Variants in ADARB2 observed in about 807,000 individuals in gnomAD.
ADARB2 encodes adenosine deaminase RNA specific B2 (inactive).
In ADARB2, 25 loss-of-function variants were observed where a neutral mutation model predicts 62.2. That is an observed-to-expected ratio of 0.40 (90% CI 0.29 to 0.56). The LOEUF (loss-of-function observed/expected upper bound fraction) is 0.56, where lower values mean the gene tolerates loss of function less well. ADARB2 is among the 20% of genes least tolerant of loss of function. ADARB2 has a pLI of 0.43. For synonymous variants in ADARB2, 572 were observed against 500.8 expected, an observed-to-expected ratio of 1.14 and a Z score of -1.90; for missense variants, 1,071 against 1,077.4, an observed-to-expected ratio of 0.99 and a Z score of 0.08.
chr10:1,264,879 G>C (rs1831179632), intron 4 of ADARB2, among the ~76,000 whole-genome samples: 1 of 152,108 alleles, frequency 6.6e-6, no homozygotes, highest in South Asian at 2.1e-4. Context: ...CTGGACCTTA[G>C]TTTAAATGGG....
intron 6 of ADARB2, among the ~76,000 whole-genome samples, chr10:1,217,389 C>T (rs1235127476): frequency 1.3e-5 from 2 of 152,222 alleles, no homozygotes; most frequent in Non-Finnish European, 2.9e-5. Flanking sequence ...CACCAACACC[C>T]GCCTCTGTTG....
At chr10:1,714,584 CCTT>C (rs1393080288) in intron 1 of ADARB2, among the ~76,000 whole-genome samples, 4 of 152,284 alleles carry the variant, frequency 2.6e-5, no homozygotes, top group South Asian at 4.1e-4. Context: ...GTCCTAACTC[CCTT>C]CTTATGTTTC....
chr10:1,267,850 G>A (rs768932653), intron 4 of ADARB2, among the ~76,000 whole-genome samples: 1 of 152,142 alleles, frequency 6.6e-6, no homozygotes, highest in Non-Finnish European at 1.5e-5. Flanking sequence ...GGGAATATCT[G>A]CAACACTCTC....
At chr10:1,552,947 T>C (rs976860349) in intron 1 of ADARB2, among the ~76,000 whole-genome samples, 1 of 152,188 alleles carries the variant, frequency 6.6e-6, no homozygotes, top group African/African-American at 2.4e-5. Context: ...ATTCAGCAAA[T>C]GTTTGTCAGG....
At chr10:1,558,673 C>T (rs1832745645) in intron 1 of ADARB2, among the ~76,000 whole-genome samples, 1 of 134,474 alleles carries the variant, frequency 7.4e-6, no homozygotes, top group Non-Finnish European at 1.6e-5. Context: ...CCCCCATGCC[C>T]CATCTAAATC....
chr10:1,223,675 G>T (rs1411363952), intron 6 of ADARB2, among the ~76,000 whole-genome samples: 7 of 152,192 alleles, frequency 4.6e-5, no homozygotes, highest in Non-Finnish European at 1.0e-4. Flanking sequence ...CATCTATTGA[G>T]ATAATCATGT....
At chr10:1,418,293 G>A (rs2805536) in intron 1 of ADARB2, among the ~76,000 whole-genome samples, 13 of 152,058 alleles carry the variant, frequency 8.5e-5, no homozygotes, top group Admixed American at 7.2e-4. Context: ...CGGGAAAGAC[G>A]GTGGGCTCAG....
intron 1 of ADARB2, among the ~76,000 whole-genome samples, chr10:1,594,553 A>T (rs1051523452): frequency 3.3e-5 from 5 of 152,234 alleles, no homozygotes; most frequent in African/African-American, 1.2e-4. Context: ...AAGCGGCCCA[A>T]TCTCTCTGAG....
intron 3 of ADARB2, among the ~76,000 whole-genome samples, chr10:1,344,331 G>T (rs892047439): frequency 6.6e-6 from 1 of 152,172 alleles, no homozygotes; most frequent in Non-Finnish European, 1.5e-5. Flanking sequence ...TGGCCGTCGC[G>T]GCAATGACCT....
chr10:1,480,808 T>C (rs182600539), intron 1 of ADARB2, among the ~76,000 whole-genome samples: 57 of 152,278 alleles, frequency 3.7e-4, no homozygotes, highest in African/African-American at 1.2e-3. Context: ...TACAAAACAT[T>C]GTTGAAAGAA....
At chr10:1,461,620 T>C (rs953821865) in intron 1 of ADARB2, among the ~76,000 whole-genome samples, 1 of 152,188 alleles carries the variant, frequency 6.6e-6, no homozygotes, top group African/African-American at 2.4e-5. Flanking sequence ...TGGTAGACCT[T>C]ACATGATTGT....
intron 1 of ADARB2, among the ~76,000 whole-genome samples, chr10:1,615,672 T>C (rs977613104): frequency 6.6e-5 from 10 of 152,226 alleles, no homozygotes; most frequent in African/African-American, 2.4e-4. Flanking sequence ...TTTGGAGATG[T>C]AGTGAGCAAA....
chr10:1,514,354 A>G (rs1016594847), intron 1 of ADARB2, among the ~76,000 whole-genome samples: 1 of 151,672 alleles, frequency 6.6e-6, no homozygotes, highest in Non-Finnish European at 1.5e-5. Context: ...CCTCAATTTC[A>G]GGGTAACAGC....
At chr10:1,579,206 G>A (rs1414549746) in intron 1 of ADARB2, among the ~76,000 whole-genome samples, 3 of 152,122 alleles carry the variant, frequency 2.0e-5, no homozygotes, top group African/African-American at 4.8e-5. Context: ...TGGGAATGTC[G>A]GTCACCTGTT....
intron 1 of ADARB2, among the ~76,000 whole-genome samples, chr10:1,702,883 C>T (rs1298014354): frequency 6.6e-6 from 1 of 152,234 alleles, no homozygotes; most frequent in Non-Finnish European, 1.5e-5. Context: ...GTATGAACCA[C>T]TTGCTACAGT....
At chr10:1,498,398 ATAAATAAATAAG>A (rs1477662154) in intron 1 of ADARB2, among the ~76,000 whole-genome samples, 4 of 151,618 alleles carry the variant, frequency 2.6e-5, no homozygotes, top group Non-Finnish European at 5.9e-5. Flanking sequence ...AAATAAATAA[ATAAATAAATAAG>A]TAATTTTTTT....
chr10:1,371,377 C>A (rs1304613956), intron 2 of ADARB2, among the ~76,000 whole-genome samples: 1 of 152,094 alleles, frequency 6.6e-6, no homozygotes, highest in African/African-American at 2.4e-5. Context: ...TGGACATTGG[C>A]CTAGGCAAAA....
rs190829066 is a variant in ADARB2, at chr10:1,316,731, A to G, written c.1078-45662T>C. ...GCACTGGCCTGGCTATAAAGTGACA[A>G]GGCTGCTTTCAAAGTCTTTATTTTG... On this transcript the variant is annotated intron_variant, in intron 3 of 9. Coordinates refer to ENST00000381312, the MANE Select transcript of ADARB2 (RefSeq NM_018702.4). Among the ~76,000 whole-genome samples the G allele has an allele frequency of 1.3e-3, 192 of 152,358 alleles. 4 individuals are homozygous for G. The highest frequency in any genetic ancestry group is 7.0e-3 in the South Asian group (34 of 4,830).
intron 1 of ADARB2, among the ~76,000 whole-genome samples, chr10:1,699,030 G>A (rs1214657804): frequency 1.3e-5 from 2 of 152,160 alleles, no homozygotes; most frequent in Non-Finnish European, 2.9e-5. Flanking sequence ...CGAAGTGCTG[G>A]GATTACAGGC....
Sources: allele counts gnomAD v4.1 joint callset (sites outside exome capture counted in the v4.1 genomes callset), GRCh38; gene constraint gnomAD v4.1.1; transcripts MANE v1.5; gene names NCBI Gene and HGNC (gene_info 2026-07-23, HGNC 2026-07-21).